NLRP8: variants seen among roughly 807,000 people sequenced by gnomAD.
NLRP8 encodes NACHT, LRR and PYD domains-containing protein 8.
NLRP8 carries 86 observed loss-of-function variants against 88.7 expected under a neutral mutation model. The ratio of observed to expected loss-of-function variants is 0.97; its 90% CI spans 0.81 to 1.16. The LOEUF (loss-of-function observed/expected upper bound fraction) is 1.16, where lower values mean the gene tolerates loss of function less well. Among genes scored for constraint, NLRP8 ranks in the 50% most tolerant of loss-of-function variants. The pLI is 0.00. For synonymous variants in NLRP8, 504 were observed against 494.6 expected, an observed-to-expected ratio of 1.02 and a Z score of -0.25; for missense variants, 1,342 against 1,286.5, an observed-to-expected ratio of 1.04 and a Z score of -0.66.
At chr19:55,948,592 T>C (rs986269772) in intron 1 of NLRP8, among the ~76,000 whole-genome samples, 1 of 152,032 alleles carries the variant, frequency 6.6e-6, no homozygotes, top group Non-Finnish European at 1.5e-5. Flanking sequence ...CCCACCACCA[T>C]GCCTGGGTAA....
chr19:55,948,273 A>C lies in NLRP8; in HGVS notation c.367+4A>C. Reference sequence around the variant, plus strand: ...GTAGTCCGCAGAGAGATAAATGGTGAGTGTTGATCTGGTGGATAAAGTGGG... The same window carrying C: ...GTAGTCCGCAGAGAGATAAATGGTGCGTGTTGATCTGGTGGATAAAGTGGG... On this transcript the variant is annotated splice_donor_region_variant and intron_variant, in intron 1 of 9. Transcript: ENST00000291971. 11 of 1,603,440 alleles carry C rather than the reference A, an allele frequency of 6.9e-6. No individual in the cohort carries two copies. Among genetic ancestry groups the C allele is most frequent in the Non-Finnish European group, 9.4e-6 (11 of 1,171,704 alleles).
chr19:55,960,271 G>T (rs1010400995), intron 3 of NLRP8, among the ~76,000 whole-genome samples: 1 of 152,134 alleles, frequency 6.6e-6, no homozygotes, highest in Admixed American at 6.5e-5. Flanking sequence ...GCGAGACCTG[G>T]CCTGCCACAG....
chr19:55,971,659 ACACACACG>A (rs941554127), intron 6 of NLRP8, among the ~76,000 whole-genome samples: 1 of 123,044 alleles, frequency 8.1e-6, no homozygotes, highest in Admixed American at 7.8e-5. Flanking sequence ...ACAGACACAC[ACACACACG>A]CACACACACA....
rs1338380899 is a variant in NLRP8 at position 55,970,534 on chromosome 19, G to C, written c.2382-10G>C. Reference sequence around the variant, plus strand: ...AACCATGGCTCAGCATTTGTATCTGGCTTCTACAGGTTGGAAGACTGCTTG... The same window carrying C: ...AACCATGGCTCAGCATTTGTATCTGCCTTCTACAGGTTGGAAGACTGCTTG... On this transcript the variant is annotated splice_polypyrimidine_tract_variant and intron_variant, in intron 5 of 9. Transcript: ENST00000291971. 1 of 1,613,812 alleles carries C rather than the reference G, an allele frequency of 6.2e-7. No individual in the cohort carries two copies. Among genetic ancestry groups the C allele is most frequent in the Middle Eastern group, 1.7e-4 (1 of 6,058 alleles).
chr19:55,988,438 G>GTATATATATATATATATATATATA lies in NLRP8; in HGVS notation c.*526_*527insATATATATATATATATATATATAT, dbSNP rs777000805. The GTATATATATATATATATATATATA allele has an allele frequency of 2.2e-5, 2 of 91,838 alleles. No homozygotes were observed. The highest frequency in any genetic ancestry group is 9.0e-5 in the African/African-American group (2 of 22,294). The allele number at this position is 91,838 out of a possible 1,614,324, so 5.7% of individuals were successfully genotyped here. ...CATATACACATAAATATATATATGT[G>GTATATATATATATATATATATATA]TGTGTGTATATATATATATATATAT... On this transcript the variant is annotated 3_prime_UTR_variant, in exon 10 of 10. Transcript: ENST00000291971.
At chr19:55,960,897 C>CT (rs36087472) in intron 3 of NLRP8, among the ~76,000 whole-genome samples, 14,860 of 90,922 alleles carry the variant, frequency 0.16, 1,408 homozygotes, top group East Asian at 0.24. Flanking sequence ...AACTATTTCT[C>CT]TTTTTTTTTT....
At chr19:55,962,720 C>T (rs760309775) in intron 4 of NLRP8, among the ~76,000 whole-genome samples, 22 of 152,150 alleles carry the variant, frequency 1.4e-4, no homozygotes, top group African/African-American at 3.9e-4. Context: ...GCAGAGGTTG[C>T]AGTGATGTTG....
chr19:55,977,162 G>A (rs1174008300), intron 8 of NLRP8, among the ~76,000 whole-genome samples: 1 of 143,878 alleles, frequency 7.0e-6, no homozygotes, highest in Admixed American at 7.2e-5. Flanking sequence ...CGTATATAAA[G>A]ATACATAAGA....
intron 6 of NLRP8, 90 bp from the exon 7 acceptor site, chr19:55,973,562 C>A (rs1051081800): frequency 2.8e-5 from 35 of 1,236,844 alleles, no homozygotes; most frequent in Non-Finnish European, 3.6e-5. Flanking sequence ...CTTCTGCATC[C>A]AGAGGGAGAG....
chr19:55,959,840 C>A (rs1409433643), intron 3 of NLRP8, among the ~76,000 whole-genome samples: 1 of 152,156 alleles, frequency 6.6e-6, no homozygotes, highest in Non-Finnish European at 1.5e-5. Flanking sequence ...AAGTGATTAA[C>A]TTCTTCTAAT....
rs1484009263 is a variant in NLRP8 at position 55,979,565 on chromosome 19, G to A, written c.3047+1G>A. 5.0e-6 allele frequency: 8 copies of A among 1,614,086 alleles called. No individual in the cohort carries two copies. The highest frequency in any genetic ancestry group is 6.8e-6 in the Non-Finnish European group (8 of 1,180,002). ...AAAAGAAGAGAGAAGAGGTCATTTT[G>A]TAAGTCTCCACCGGGTTTCCTGTGC... On this transcript the variant is annotated splice_donor_variant, in intron 9 of 9. Coordinates refer to ENST00000291971, the MANE Select transcript of NLRP8 (RefSeq NM_176811.2). LOFTEE classifies it high-confidence loss of function.
intron 6 of NLRP8, 133 bp downstream of exon 6, chr19:55,970,829 T>G: frequency 8.6e-7 from 1 of 1,156,848 alleles, no homozygotes; most frequent in Non-Finnish European, 1.2e-6. Context: ...TTGTGATTGA[T>G]GTAATTATAT....
Position 55,983,713 on chromosome 19 carries a change from G to A in NLRP8, c.3048-4101G>A, listed in dbSNP as rs75250695. Among the ~76,000 whole-genome samples, 983 of 150,504 alleles carry A rather than the reference G, an allele frequency of 6.5e-3. 11 individuals carry two copies. The highest frequency in any genetic ancestry group is 0.03 in the South Asian group (141 of 4,760). ...AAATGGATATCATGTGCCTGTGGAT[G>A]GAACGTGCTGAGATAAACACAGCAG... On this transcript the variant is annotated intron_variant, in intron 9 of 9. Transcript: ENST00000291971.
chr19:55,978,555 T>G (rs1980443902), intron 8 of NLRP8, among the ~76,000 whole-genome samples: 1 of 152,136 alleles, frequency 6.6e-6, no homozygotes, highest in South Asian at 2.1e-4. Flanking sequence ...TTCCCTCTTC[T>G]TATACAGCCA....
In NLRP8 at chr19:55,952,610, C is replaced by A. The variant is rs1348247289; in HGVS notation, c.440C>A (p.Ser147Tyr). The A allele has an allele frequency of 6.2e-7, 1 of 1,613,186 alleles. No homozygotes were observed. Among genetic ancestry groups the A allele is most frequent in the African/African-American group, 1.3e-5 (1 of 74,910 alleles). ...CAGGTGAATCTGGAGGAAGGAGAAT[C>A]TGGTATGTGCCTGTATCACAGCAGA... is the stretch of plus-strand genomic sequence containing the variant. Residue 147 changes from serine to tyrosine, a missense_variant and splice_region_variant, in exon 2 of 10, where the codon TCT (serine) becomes TAT (tyrosine). Ser to Tyr is a moderately radical substitution (Grantham distance 144, BLOSUM62 -2). Coordinates refer to ENST00000291971, the MANE Select transcript of NLRP8 (RefSeq NM_176811.2).
At chr19:55,961,416 T>A (rs10407718) in intron 3 of NLRP8, among the ~76,000 whole-genome samples, 40,632 of 151,980 alleles carry the variant, frequency 0.27, 5,839 homozygotes, top group African/African-American at 0.35. Flanking sequence ...TATATTTTTT[T>A]AAAAAATAAG....
rs1008942291 is a variant in NLRP8, at chr19:55,954,694, T to C, written c.636T>C (p.Pro212=). The change falls in exon 3 of 10, where the codon CCT becomes CCC. Residue 212 remains proline (P), a synonymous_variant. Coordinates refer to ENST00000291971, the MANE Select transcript of NLRP8 (RefSeq NM_176811.2). ...AGACCGTGGCCATACAGGGAGCTCC[T>C]GGGATCGGAAAAACAATCCTGGCCA... is the stretch of plus-strand genomic sequence containing the variant. 9 of 1,614,020 alleles carry C rather than the reference T, an allele frequency of 5.6e-6. No individual in the cohort carries two copies. In the Admixed American group the frequency reaches 8.3e-5, roughly 15 times the overall value.
intron 5 of NLRP8, among the ~76,000 whole-genome samples, chr19:55,969,298 A>G (rs1340005782): frequency 6.6e-6 from 1 of 152,164 alleles, no homozygotes; most frequent in Non-Finnish European, 1.5e-5. Context: ...AGTCTATTAC[A>G]TCATTCTTAT....
intron 8 of NLRP8, among the ~76,000 whole-genome samples, chr19:55,976,710 A>C (rs796243057): frequency 2.5e-4 from 9 of 35,912 alleles, no homozygotes; most frequent in East Asian, 1.3e-3. Context: ...ATATATGTAT[A>C]TAAAGATACA....
Sources: gnomAD v4.1 joint callset for allele counts (sites outside exome capture counted in the v4.1 genomes callset) on GRCh38, gnomAD v4.1.1 for gene constraint, MANE v1.5 for transcripts, NCBI Gene and HGNC (gene_info 2026-07-23, HGNC 2026-07-21) for gene names.